LCLAT1: variants seen among roughly 807,000 people sequenced by gnomAD.
The protein encoded by LCLAT1 is 1-AGP acyltransferase 8.
Under a neutral mutation model 30.7 loss-of-function variants are expected in LCLAT1, and 11 were observed. That is an observed-to-expected ratio of 0.36 (90% CI 0.23 to 0.59). The LOEUF (loss-of-function observed/expected upper bound fraction) is 0.59, where lower values mean the gene tolerates loss of function less well. LCLAT1 is among the 20% of genes least tolerant of loss of function. The pLI is 0.77. For missense variants in LCLAT1, 402 were observed against 458.6 expected (o/e 0.88, Z 1.13); for synonymous variants, 155 against 151.3 (o/e 1.02, Z -0.18).
chr2:30,515,388 A>T (rs987407079), intron 1 of LCLAT1, among the ~76,000 whole-genome samples: 1 of 152,262 alleles, frequency 6.6e-6, no homozygotes, highest in Non-Finnish European at 1.5e-5. Context: ...TGTGAATAAA[A>T]TAACTAAGGA....
intron 1 of LCLAT1, among the ~76,000 whole-genome samples, chr2:30,518,470 A>G (rs976362177): frequency 6.6e-6 from 1 of 152,248 alleles, no homozygotes; most frequent in African/African-American, 2.4e-5. Flanking sequence ...TTACAGAACC[A>G]GGAAGGAACC....
At chr2:30,546,434 C>T (rs1168599501) in intron 3 of LCLAT1, among the ~76,000 whole-genome samples, 1 of 152,054 alleles carries the variant, frequency 6.6e-6, no homozygotes, top group Admixed American at 6.6e-5. Context: ...GTGTTGTTTA[C>T]CTTTTTAGTA....
chr2:30,502,939 T>C (rs189376630), intron 1 of LCLAT1, among the ~76,000 whole-genome samples: 4 of 152,172 alleles, frequency 2.6e-5, no homozygotes, highest in Non-Finnish European at 5.9e-5. Flanking sequence ...GCAGTACTGT[T>C]CCTTGCAGAA....
intron 5 of LCLAT1, among the ~76,000 whole-genome samples, chr2:30,639,452 G>C (rs1353637433): frequency 6.6e-6 from 1 of 150,678 alleles, no homozygotes; most frequent in African/African-American, 2.4e-5. Context: ...GGTCTTACTT[G>C]GAGTTCAAGT....
chr2:30,492,486 T>C (rs1683883145), intron 1 of LCLAT1, among the ~76,000 whole-genome samples: 1 of 151,582 alleles, frequency 6.6e-6, no homozygotes, highest in South Asian at 2.1e-4. Flanking sequence ...AGAGGAAATT[T>C]CAAAAATTAA....
At chr2:30,564,349 C>G in intron 4 of LCLAT1, among the ~76,000 whole-genome samples, 1 of 152,050 alleles carries the variant, frequency 6.6e-6, no homozygotes, top group East Asian at 1.9e-4. Flanking sequence ...AAAGAAAGGT[C>G]ATATGTTACT....
chr2:30,464,846 G>GT (rs879875923), intron 1 of LCLAT1, among the ~76,000 whole-genome samples: 6 of 151,970 alleles, frequency 3.9e-5, no homozygotes, highest in African/African-American at 9.7e-5. Context: ...GCCTATTAGG[G>GT]TTTTTTTGTT....
chr2:30,607,046 C>T (rs1343163378), intron 5 of LCLAT1: 3 of 152,090 alleles, frequency 2.0e-5, no homozygotes, highest in African/African-American at 7.2e-5. Context: ...TACCATCTCA[C>T]ACCAGTCCAA....
At chr2:30,626,507 A>C (rs766202867) in intron 5 of LCLAT1, among the ~76,000 whole-genome samples, 47 of 152,100 alleles carry the variant, frequency 3.1e-4, no homozygotes, top group African/African-American at 1.1e-3. Flanking sequence ...TGTATTTATG[A>C]TTTTAGTTTA....
At chr2:30,624,963 C>G (rs577157277) in intron 5 of LCLAT1, among the ~76,000 whole-genome samples, 2 of 152,094 alleles carry the variant, frequency 1.3e-5, no homozygotes, top group Non-Finnish European at 2.9e-5. Context: ...AAAAGGAACC[C>G]TTAAAACCAT....
At chr2:30,613,284 G>C (rs1334627585) in intron 5 of LCLAT1, among the ~76,000 whole-genome samples, 1 of 152,140 alleles carries the variant, frequency 6.6e-6, no homozygotes, top group African/African-American at 2.4e-5. Context: ...ATAAGATTGT[G>C]ACTGACATTA....
At chr2:30,567,937 A>T in intron 4 of LCLAT1, 123 bp from the exon 5 acceptor site, 1 of 564,978 alleles carries the variant, frequency 1.8e-6, no homozygotes. Flanking sequence ...CATTTGACTC[A>T]GTATTCAGTA....
intron 2 of LCLAT1, among the ~76,000 whole-genome samples, chr2:30,530,930 A>G (rs1685951248): frequency 6.6e-6 from 1 of 152,152 alleles, no homozygotes; most frequent in African/African-American, 2.4e-5. Context: ...GAGATTGCAT[A>G]TATAGGTTTA....
At chr2:30,449,399 G>A (rs757076792) in intron 1 of LCLAT1, among the ~76,000 whole-genome samples, 2 of 151,950 alleles carry the variant, frequency 1.3e-5, no homozygotes, top group African/African-American at 2.4e-5. Context: ...ATAGTGATTT[G>A]TGTGGTAACA....
chr2:30,451,922 TG>T (rs1448592990), intron 1 of LCLAT1, among the ~76,000 whole-genome samples: 1 of 152,206 alleles, frequency 6.6e-6, no homozygotes, highest in African/African-American at 2.4e-5. Context: ...TAAAAGACAA[TG>T]GATTATGGAT....
intron 5 of LCLAT1, among the ~76,000 whole-genome samples, chr2:30,626,603 A>G (rs547260415): frequency 2.0e-5 from 3 of 152,144 alleles, no homozygotes; most frequent in Admixed American, 6.5e-5. Context: ...TCAAATAACT[A>G]ACTTCTGCAT....
At chr2:30,519,814 A>G (rs1035828070) in intron 1 of LCLAT1, among the ~76,000 whole-genome samples, 10 of 152,078 alleles carry the variant, frequency 6.6e-5, no homozygotes, top group African/African-American at 2.4e-4. Flanking sequence ...TCACTCTGTT[A>G]AATCTTGGAA....
chr2:30,545,966 A>C (rs992192906), intron 3 of LCLAT1, among the ~76,000 whole-genome samples: 2 of 152,218 alleles, frequency 1.3e-5, no homozygotes, highest in African/African-American at 4.8e-5. Context: ...ATGAAGCCAG[A>C]AATTTTCCTG....
chr2:30,582,995 C>A (rs1666269514), intron 5 of LCLAT1, among the ~76,000 whole-genome samples: 2 of 152,196 alleles, frequency 1.3e-5, no homozygotes, highest in African/African-American at 2.4e-5. Flanking sequence ...TAATTCAGAT[C>A]TTTGTATTCT....
Sources: gnomAD v4.1 joint callset for allele counts (sites outside exome capture counted in the v4.1 genomes callset) on GRCh38, gnomAD v4.1.1 for gene constraint, MANE v1.5 for transcripts, NCBI Gene and HGNC (gene_info 2026-07-23, HGNC 2026-07-21) for gene names.